The following MNAT1 variants were observed in gnomAD, a reference collection of about 807,000 sequenced individuals.
The protein encoded by MNAT1 is CDK-activating kinase assembly factor MAT1.
In MNAT1, 43 loss-of-function variants were observed where a neutral mutation model predicts 42.0. The ratio of observed to expected loss-of-function variants is 1.02; its 90% CI spans 0.80 to 1.32. The LOEUF (loss-of-function observed/expected upper bound fraction) is 1.32. Ranked by LOEUF, MNAT1 falls within the 40% of genes most tolerant of loss-of-function variation. MNAT1 has a pLI of 0.00. For synonymous variants in MNAT1, 118 were observed against 120.0 expected, an observed-to-expected ratio of 0.98 and a Z score of 0.11; for missense variants, 306 against 350.4, an observed-to-expected ratio of 0.87 and a Z score of 1.01.
chr14:60,822,977 G>A (rs1403569770), intron 6 of MNAT1, among the ~76,000 whole-genome samples: 2 of 152,052 alleles, frequency 1.3e-5, no homozygotes, highest in Non-Finnish European at 2.9e-5. Context: ...GGCCGGTCTG[G>A]AACTCCTGAG....
chr14:60,755,130 C>G (rs777534949), intron 1 of MNAT1, among the ~76,000 whole-genome samples: 7 of 152,010 alleles, frequency 4.6e-5, no homozygotes, highest in Non-Finnish European at 8.8e-5. Flanking sequence ...TCCCAAGTAG[C>G]TAGGACTATA....
chr14:60,790,800 C>T (rs2031792972), intron 1 of MNAT1, among the ~76,000 whole-genome samples: 1 of 152,100 alleles, frequency 6.6e-6, no homozygotes, highest in South Asian at 2.1e-4. Context: ...GCTTAGTGCC[C>T]TCATCTATGT....
intron 1 of MNAT1, among the ~76,000 whole-genome samples, chr14:60,739,262 A>G (rs1381106723): frequency 6.6e-6 from 1 of 152,186 alleles, no homozygotes; most frequent in Non-Finnish European, 1.5e-5. Flanking sequence ...TAGAAGTGAT[A>G]TACCATCACC....
intron 1 of MNAT1, among the ~76,000 whole-genome samples, chr14:60,747,580 C>T (rs1019075175): frequency 6.6e-6 from 1 of 152,094 alleles, no homozygotes; most frequent in African/African-American, 2.4e-5. Context: ...AGGGCAGTTA[C>T]CCTGAAAGGA....
intron 1 of MNAT1, among the ~76,000 whole-genome samples, chr14:60,775,100 T>C (rs957721746): frequency 5.9e-5 from 9 of 152,070 alleles, no homozygotes; most frequent in Admixed American, 1.3e-4. Flanking sequence ...CTTCAACTTT[T>C]AGGTGGTTTA....
chr14:60,846,871 T>C (rs2033695768), intron 6 of MNAT1, among the ~76,000 whole-genome samples: 1 of 152,356 alleles, frequency 6.6e-6, no homozygotes, highest in African/African-American at 2.4e-5. Flanking sequence ...GATGGTTATG[T>C]TGAAGTCTTC....
intron 6 of MNAT1, among the ~76,000 whole-genome samples, chr14:60,862,781 G>T (rs2034126277): frequency 6.6e-6 from 1 of 151,946 alleles, no homozygotes. Flanking sequence ...TAATTTCTTT[G>T]GCATCTTGTG....
intron 6 of MNAT1, among the ~76,000 whole-genome samples, chr14:60,839,685 G>A (rs577637685): frequency 6.6e-6 from 1 of 152,342 alleles, no homozygotes; most frequent in South Asian, 2.1e-4. Context: ...TGTGGTTTCT[G>A]TTATCTCCAA....
intron 7 of MNAT1, among the ~76,000 whole-genome samples, chr14:60,929,258 T>C (rs190862688): frequency 6.7e-6 from 1 of 150,234 alleles, no homozygotes; most frequent in Non-Finnish European, 1.5e-5. Context: ...TTTTTAATGA[T>C]GTTTCTTGAA....
intron 6 of MNAT1, among the ~76,000 whole-genome samples, chr14:60,835,798 A>G (rs2033374857): frequency 6.6e-6 from 1 of 152,164 alleles, no homozygotes; most frequent in African/African-American, 2.4e-5. Flanking sequence ...AGGTTGGGGA[A>G]GTTCTCCTGA....
At chr14:60,929,148 CAA>C (rs550828218) in intron 7 of MNAT1, among the ~76,000 whole-genome samples, 657 of 55,976 alleles carry the variant, frequency 0.012, 8 homozygotes, top group African/African-American at 0.028. Context: ...CTCCATCTCC[CAA>C]AAAAAAAAAA....
chr14:60,883,956 T>C (rs1015534177), intron 7 of MNAT1, among the ~76,000 whole-genome samples: 1 of 151,802 alleles, frequency 6.6e-6, no homozygotes, highest in African/African-American at 2.4e-5. Flanking sequence ...TCAGTTCTAA[T>C]AGTTTTTTTG....
chr14:60,946,532 G>GT (rs1039530165), intron 7 of MNAT1, among the ~76,000 whole-genome samples: 218 of 146,702 alleles, frequency 1.5e-3, no homozygotes, highest in African/African-American at 4.3e-3. Flanking sequence ...TTTTGTTTTT[G>GT]TTTTTTTTTT....
At chr14:60,794,227 T>C (rs895431744) in intron 1 of MNAT1, among the ~76,000 whole-genome samples, 2 of 152,170 alleles carry the variant, frequency 1.3e-5, no homozygotes, top group Non-Finnish European at 2.9e-5. Context: ...TGGGTTTAAT[T>C]TCCTCTAACC....
chr14:60,832,702 CTA>C (rs2139386056), intron 6 of MNAT1, among the ~76,000 whole-genome samples: 1 of 151,596 alleles, frequency 6.6e-6, no homozygotes, highest in East Asian at 1.9e-4. Flanking sequence ...GTAGTTTTTT[CTA>C]ATTCTTTGAA....
At chr14:60,788,782 A>C (rs991764904) in intron 1 of MNAT1, among the ~76,000 whole-genome samples, 1 of 151,992 alleles carries the variant, frequency 6.6e-6, no homozygotes, top group Non-Finnish European at 1.5e-5. Flanking sequence ...ACCTTTCTCA[A>C]CCTTTATAGG....
intron 1 of MNAT1, among the ~76,000 whole-genome samples, chr14:60,781,424 C>G (rs2031456241): frequency 6.6e-6 from 1 of 151,958 alleles, no homozygotes; most frequent in Admixed American, 6.6e-5. Flanking sequence ...TAGTTTGTGG[C>G]AAGTCTTTTA....
chr14:60,814,879 GA>G (rs2032663425), intron 5 of MNAT1, among the ~76,000 whole-genome samples: 2 of 152,108 alleles, frequency 1.3e-5, no homozygotes, highest in South Asian at 4.2e-4. Context: ...CTTTAACAGT[GA>G]AATGACATGT....
intron 7 of MNAT1, among the ~76,000 whole-genome samples, chr14:60,897,338 A>G (rs2034977903): frequency 6.6e-6 from 1 of 152,104 alleles, no homozygotes; most frequent in South Asian, 2.1e-4. Context: ...AAATATATGC[A>G]TTATGTAAAT....
Sources: gnomAD v4.1 joint callset for allele counts (sites outside exome capture counted in the v4.1 genomes callset) on GRCh38, gnomAD v4.1.1 for gene constraint, MANE v1.5 for transcripts, NCBI Gene and HGNC (gene_info 2026-07-23, HGNC 2026-07-21) for gene names.